The following SGSM3 variants were observed in gnomAD, a reference collection of about 807,000 sequenced individuals.
SGSM3 encodes small G protein signaling modulator 3.
SGSM3 carries 96 observed loss-of-function variants against 100.5 expected under a neutral mutation model. The ratio of observed to expected loss-of-function variants is 0.96; its 90% CI spans 0.81 to 1.13. The LOEUF (loss-of-function observed/expected upper bound fraction) is 1.13. Among genes scored for constraint, SGSM3 ranks in the 50% most tolerant of loss-of-function variants. The pLI, the probability that SGSM3 is intolerant of heterozygous loss-of-function variation, is 0.00. For missense variants in SGSM3, 1,001 were observed against 1,015.8 expected, an observed-to-expected ratio of 0.99 and a Z score of 0.20; for synonymous variants, 483 against 422.8, an observed-to-expected ratio of 1.14 and a Z score of -1.75.
intron 19 of SGSM3, 38 bp downstream of exon 19, chr22:40,409,056 TG>T (rs968696277): frequency 1.3e-6 from 2 of 1,552,818 alleles, no homozygotes; most frequent in Non-Finnish European, 1.7e-6. Flanking sequence ...AGCCCTGGAG[TG>T]GGGGGACCCA....
chr22:40,394,353 G>C (rs1463237425), intron 1 of SGSM3, among the ~76,000 whole-genome samples: 2 of 152,164 alleles, frequency 1.3e-5, no homozygotes, highest in East Asian at 1.9e-4. Flanking sequence ...TCAGGTCCAA[G>C]AACTTGGAGA....
chr22:40,388,508 T>C (rs2048826978), intron 1 of SGSM3, among the ~76,000 whole-genome samples: 4 of 152,188 alleles, frequency 2.6e-5, no homozygotes, highest in Admixed American at 2.6e-4. Context: ...CAGGGGCTGC[T>C]AGGTCATGCA....
Position 40,401,632 on chromosome 22 carries a change from C to T in SGSM3, c.47C>T (p.Thr16Ile). 6.2e-7 allele frequency: 1 copy of T among 1,613,502 alleles called. No homozygotes were observed. Among genetic ancestry groups the T allele is most frequent in the East Asian group, 2.2e-5 (1 of 44,844 alleles). The change falls in exon 3 of 22, where the codon ACT (threonine) becomes ATT (isoleucine). Residue 16 changes from threonine (T) to isoleucine (I), a missense_variant. Thr to Ile is a moderately conservative substitution (Grantham distance 89). Coordinates refer to ENST00000248929, the MANE Select transcript of SGSM3 (RefSeq NM_015705.6). ...GCCTGTGGCCCTTTCTCAGCCCTGA[C>T]TCCGAGCATATGGCCCCAGGAGATC... ...TPACGPFSAL[T>I]PSIWPQEILA...
chr22:40,371,354 A>G (rs1291345154), intron 1 of SGSM3, among the ~76,000 whole-genome samples: 2 of 152,228 alleles, frequency 1.3e-5, no homozygotes, highest in African/African-American at 4.8e-5. Context: ...CTGGGTGACT[A>G]GTGTATCTTC....
chr22:40,377,058 C>G (rs2046749811), intron 1 of SGSM3, among the ~76,000 whole-genome samples: 1 of 152,190 alleles, frequency 6.6e-6, no homozygotes, highest in Non-Finnish European at 1.5e-5. Context: ...TCCTCCATAT[C>G]TAGATCATGT....
intron 4 of SGSM3, among the ~76,000 whole-genome samples, chr22:40,403,153 G>A (rs542712529): frequency 6.6e-6 from 1 of 152,172 alleles, no homozygotes; most frequent in Non-Finnish European, 1.5e-5. Flanking sequence ...TGCTTGATGC[G>A]GACAATGTTC....
At chr22:40,382,471 CG>C (rs1174310571) in intron 1 of SGSM3, among the ~76,000 whole-genome samples, 1 of 151,974 alleles carries the variant, frequency 6.6e-6, no homozygotes, top group Non-Finnish European at 1.5e-5. Context: ...GACTGTTGGC[CG>C]GAGCACCTAT....
rs2051146109 is a variant in SGSM3 at position 40,404,285 on chromosome 22, C to T, written c.196C>T (p.Pro66Ser). The T allele has an allele frequency of 1.3e-6, 2 of 1,530,396 alleles. No individual in the cohort carries two copies. Among genetic ancestry groups the T allele is most frequent in the South Asian group, 1.3e-5 (1 of 77,252 alleles). 94.8% of individuals were successfully genotyped at this position (1,530,396 alleles called of 1,614,324 possible). The change falls in exon 5 of 22, where the codon CCT (proline) becomes TCT (serine). Residue 66 changes from proline (P) to serine (S), a missense_variant. By Grantham distance (74) the Pro-to-Ser change is moderately conservative. Coordinates refer to ENST00000248929, the MANE Select transcript of SGSM3 (RefSeq NM_015705.6). ...TGGCTCCAGTCTGCTGGCGAACTCC[C>T]CTCTGATGGAGGATGCTCCACAGAG... Reference protein sequence around the residue: ...EPGSSLLANSPLMEDAPQRLR... With the variant: ...EPGSSLLANSSLMEDAPQRLR...
intron 1 of SGSM3, among the ~76,000 whole-genome samples, chr22:40,375,296 T>C (rs2046360604): frequency 6.6e-6 from 1 of 152,126 alleles, no homozygotes; most frequent in South Asian, 2.1e-4. Flanking sequence ...ATTAGATTGA[T>C]AGGCCGGTTG....
intron 1 of SGSM3, among the ~76,000 whole-genome samples, chr22:40,374,053 C>T (rs1300913006): frequency 1.3e-5 from 2 of 151,708 alleles, no homozygotes; most frequent in Non-Finnish European, 2.9e-5. Context: ...GGTTTATTTA[C>T]GCCATTCTCC....
chr22:40,410,037 A>G lies in SGSM3; in HGVS notation c.*278A>G, dbSNP rs1431653363. ...GCCATGTCTGTGCTCAGGAAGAGGG[A>G]AGGGGATGGGGGTGGCTAGTAGGCT... On this transcript the variant is annotated 3_prime_UTR_variant, in exon 22 of 22. Coordinates refer to ENST00000248929, the MANE Select transcript of SGSM3 (RefSeq NM_015705.6). 1.5e-6 allele frequency: 2 copies of G among 1,312,148 alleles called. No homozygotes were observed. Among genetic ancestry groups the G allele is most frequent in the Non-Finnish European group, 1.9e-6 (2 of 1,034,642 alleles). The allele number at this position is 1,312,148 out of a possible 1,614,324, so 81.3% of individuals were successfully genotyped here. A position where few individuals can be genotyped will look rare whatever the true frequency, so the allele number is the denominator to read the frequency against.
intron 19 of SGSM3, 58 bp downstream of exon 19, chr22:40,409,076 T>C (rs2052153870): frequency 6.4e-7 from 1 of 1,551,020 alleles, no homozygotes; most frequent in African/African-American, 1.4e-5. Flanking sequence ...CAGCCCAGCA[T>C]CAGGGGGGGT....
intron 1 of SGSM3, among the ~76,000 whole-genome samples, chr22:40,400,430 G>T (rs1200230088): frequency 6.6e-6 from 1 of 152,044 alleles, no homozygotes; most frequent in Admixed American, 6.6e-5. Flanking sequence ...GGATCACGAG[G>T]TCAGGAGTTC....
intron 16 of SGSM3, 78 bp downstream of exon 16, chr22:40,408,507 C>G: frequency 1.3e-6 from 2 of 1,593,504 alleles, no homozygotes; most frequent in Non-Finnish European, 1.7e-6. Flanking sequence ...TTAGGTCCTT[C>G]CTGCCCCACA....
intron 1 of SGSM3, among the ~76,000 whole-genome samples, chr22:40,383,466 CA>C (rs534039238): frequency 0.3 from 26,535 of 87,242 alleles, 2,401 homozygotes; most frequent in Admixed American, 0.47. Flanking sequence ...GACTCTGTCT[CA>C]AAAAAAAAAA....
At chr22:40,401,498 G>A (rs745900885) in intron 2 of SGSM3, 95 bp from the exon 3 acceptor site, 30 of 916,326 alleles carry the variant, frequency 3.3e-5, no homozygotes, top group African/African-American at 1.3e-4. Context: ...TGCCCACCTC[G>A]GCCTCCCAAA....
At chr22:40,392,472 C>G (rs1212225059) in intron 1 of SGSM3, among the ~76,000 whole-genome samples, 2 of 151,872 alleles carry the variant, frequency 1.3e-5, no homozygotes, top group South Asian at 4.2e-4. Context: ...TCTTTTCTTT[C>G]CTTGGTTTTG....
rs1186191784 is a variant in SGSM3, at chr22:40,410,097, G to A, written c.*338G>A. 5.9e-6 allele frequency: 7 copies of A among 1,194,306 alleles called. No homozygotes were observed. Among genetic ancestry groups the A allele is most frequent in the East Asian group, 4.1e-5 (1 of 24,546 alleles). The allele number at this position is 1,194,306 out of a possible 1,614,324, so 74.0% of individuals were successfully genotyped here. On this transcript the variant is annotated 3_prime_UTR_variant, in exon 22 of 22. Transcript: ENST00000248929. ...TTTGGTTTATAAATAAACTGTGTCT[G>A]TCTTTGAGAAAGCACCTACCTGTCT...
rs749567984 is a variant in SGSM3, at chr22:40,407,109, G to T, written c.1240+38G>T. ...CGAGTGCCAGGCAGTGTGGGCATGC[G>T]GGAGTCTGTCCTCACGCTCATGTGG... On this transcript the variant is annotated intron_variant, in intron 11 of 21. Coordinates refer to ENST00000248929, the MANE Select transcript of SGSM3 (RefSeq NM_015705.6). The surrounding 1 kb of genome is among the most constrained non-coding windows in gnomAD (Gnocchi z 4.7). 1.2e-6 allele frequency: 2 copies of T among 1,607,346 alleles called. No homozygotes were observed. The highest frequency in any genetic ancestry group is 2.2e-5 in the East Asian group (1 of 44,622).
Sources: gnomAD v4.1 joint callset for allele counts (sites outside exome capture counted in the v4.1 genomes callset) on GRCh38, gnomAD v4.1.1 for gene constraint, Gnocchi (gnomAD v3.1) non-coding constraint, MANE v1.5 for transcripts, NCBI Gene and HGNC (gene_info 2026-07-23, HGNC 2026-07-21) for gene names.